Variants in ERBIN observed in about 807,000 individuals in gnomAD.
ERBIN encodes densin-180-like protein.
A neutral mutation model predicts 158.4 loss-of-function variants in ERBIN; 60 were observed. That is an observed-to-expected ratio of 0.38 (90% confidence interval 0.31 to 0.47). The LOEUF (loss-of-function observed/expected upper bound fraction) is 0.47. ERBIN is among the 20% of genes least tolerant of loss of function. The pLI is 0.99. For missense variants in ERBIN, 1,610 were observed against 1,648.0 expected, an observed-to-expected ratio of 0.98 and a Z score of 0.40; for synonymous variants, 594 against 557.2, an observed-to-expected ratio of 1.07 and a Z score of -0.93.
chr5:65,978,081 G>T (rs951488660), intron 1 of ERBIN, among the ~76,000 whole-genome samples: 1 of 152,152 alleles, frequency 6.6e-6, no homozygotes, highest in Non-Finnish European at 1.5e-5. Flanking sequence ...TTTGTGATCT[G>T]TATTGTCACA....
intron 21 of ERBIN, among the ~76,000 whole-genome samples, chr5:66,068,578 T>C (rs1385348722): frequency 6.6e-6 from 1 of 152,208 alleles, no homozygotes; most frequent in Non-Finnish European, 1.5e-5. Flanking sequence ...TTCTGACATA[T>C]ATATCTAAGA....
At chr5:65,968,983 T>G (rs563975287) in intron 1 of ERBIN, among the ~76,000 whole-genome samples, 5 of 152,352 alleles carry the variant, frequency 3.3e-5, no homozygotes, top group East Asian at 1.9e-4. Flanking sequence ...ATATCGTGAT[T>G]GAGAGGTCTC....
At chr5:65,961,756 T>G (rs896304531) in intron 1 of ERBIN, among the ~76,000 whole-genome samples, 1 of 152,158 alleles carries the variant, frequency 6.6e-6, no homozygotes, top group Admixed American at 6.5e-5. Flanking sequence ...TCTTTTACAT[T>G]TGAGGTAGAG....
At chr5:65,930,149 A>C (rs1343888035) in intron 1 of ERBIN, among the ~76,000 whole-genome samples, 6 of 152,148 alleles carry the variant, frequency 3.9e-5, no homozygotes, top group South Asian at 4.2e-4. Context: ...TCTTTTCCAA[A>C]CTGTTAGTCT....
chr5:66,024,082 C>T (rs1233454378), intron 9 of ERBIN, among the ~76,000 whole-genome samples: 4 of 152,076 alleles, frequency 2.6e-5, no homozygotes, highest in African/African-American at 9.7e-5. Context: ...CCTGAATTCC[C>T]AAAGAATATG....
chr5:65,986,300 C>G (rs973497784), intron 1 of ERBIN, among the ~76,000 whole-genome samples: 6 of 152,230 alleles, frequency 3.9e-5, no homozygotes, highest in East Asian at 1.9e-4. Context: ...CTCTGCCTTG[C>G]TCCTACCATG....
intron 1 of ERBIN, among the ~76,000 whole-genome samples, chr5:65,939,537 C>A (rs534816194): frequency 6.6e-6 from 1 of 152,088 alleles, no homozygotes; most frequent in African/African-American, 2.4e-5. Context: ...CCTCTCCCCC[C>A]TCTCCCTCTC....
chr5:65,967,331 A>G (rs897088421), intron 1 of ERBIN, among the ~76,000 whole-genome samples: 5 of 152,154 alleles, frequency 3.3e-5, no homozygotes, highest in East Asian at 1.9e-4. Flanking sequence ...TTCACTCACT[A>G]CTCACTCACT....
intron 15 of ERBIN, among the ~76,000 whole-genome samples, chr5:66,039,087 C>A (rs1580432343): frequency 1.3e-5 from 2 of 151,476 alleles, no homozygotes; most frequent in East Asian, 3.9e-4. Flanking sequence ...TATGTATCTT[C>A]TTTCTGACAC....
In ERBIN at chr5:65,942,910, A is replaced by G. The variant is rs1434665637; in HGVS notation, c.-58+16104A>G. Among the ~76,000 whole-genome samples, 32 of 5,086 alleles carry G rather than the reference A, an allele frequency of 6.3e-3. 1 individual carries two copies. Among genetic ancestry groups the G allele is most frequent in the East Asian group, 0.016 (17 of 1,082 alleles). 3.3% of individuals were successfully genotyped at this position (5,086 alleles called of 152,430 possible). A position where few individuals can be genotyped will look rare whatever the true frequency, so the allele number is the denominator to read the frequency against. On this transcript the variant is annotated intron_variant, in intron 1 of 25. Transcript: ENST00000284037. The stretch of plus-strand genomic sequence containing the variant: ...GTGACAGAGCGAGACTCCGTCTCCA[A>G]AAAAAAAAAAAAAAATAGACTTTAA...
In ERBIN at chr5:66,054,936, CA is replaced by C; in HGVS notation, c.3623del (p.Lys1208SerfsTer2). On this transcript the variant is annotated frameshift_variant, in exon 21 of 26. Coordinates refer to ENST00000284037, the MANE Select transcript of ERBIN (RefSeq NM_001253697.2). LOFTEE classifies it high-confidence loss of function. ...AACAAGTACTTCGACATATTGAAGCCAAAAAGTTAGAAAAGGTAATTGAACA... is the reference window on the plus strand; with the variant it reads ...AACAAGTACTTCGACATATTGAAGCCAAAAGTTAGAAAAGGTAATTGAACA... ...REQVLRHIEA[K>X]KLEKKHPQTS... The C allele has an allele frequency of 6.4e-7, 1 of 1,571,544 alleles. No individual in the cohort carries two copies.
intron 1 of ERBIN, among the ~76,000 whole-genome samples, chr5:65,964,741 CT>C (rs70987103): frequency 0.037 from 4,432 of 119,398 alleles, 187 homozygotes; most frequent in African/African-American, 0.13. Flanking sequence ...CCAGAGCAAT[CT>C]TTTTTTTTTT....
chr5:66,065,591 C>CTGTG lies in ERBIN; in HGVS notation c.3634-6512_3634-6509dup, dbSNP rs56164922. Among the ~76,000 whole-genome samples, 77 of 109,392 alleles carry CTGTG rather than the reference C, an allele frequency of 7.0e-4. 2 individuals carry two copies. The highest frequency in any genetic ancestry group is 1.4e-3 in the East Asian group (5 of 3,586). The allele number at this position is 109,392 out of a possible 152,430, so 71.8% of individuals were successfully genotyped here. ...CAGAGATTTTCAGATTAATTTTGAC[C>CTGTG]TGTGTGTGTGTGTGTGTGTGTGTGT... On this transcript the variant is annotated intron_variant, in intron 21 of 25. Coordinates refer to ENST00000284037, the MANE Select transcript of ERBIN (RefSeq NM_001253697.2).
intron 13 of ERBIN, among the ~76,000 whole-genome samples, chr5:66,027,152 A>G (rs1218078903): frequency 2.0e-5 from 3 of 152,052 alleles, no homozygotes; most frequent in Non-Finnish European, 4.4e-5. Flanking sequence ...ATGAAATAGT[A>G]TAATAGTATT....
At chr5:65,942,817 C>T (rs1433452616) in intron 1 of ERBIN, among the ~76,000 whole-genome samples, 5 of 151,352 alleles carry the variant, frequency 3.3e-5, no homozygotes, top group South Asian at 2.1e-4. Context: ...TCCGCCTACT[C>T]GGGAGGCTTG....
chr5:66,055,830 T>C (rs1660247319), intron 21 of ERBIN, among the ~76,000 whole-genome samples: 1 of 152,202 alleles, frequency 6.6e-6, no homozygotes. Flanking sequence ...TTTTCAGAAA[T>C]GCCTAAAATA....
intron 21 of ERBIN, among the ~76,000 whole-genome samples, chr5:66,056,826 C>A (rs1175414679): frequency 1.4e-5 from 2 of 148,100 alleles, no homozygotes; most frequent in Middle Eastern, 3.3e-3. Flanking sequence ...CCTTCCAGAC[C>A]ACTAGTTGAC....
chr5:66,019,363 C>T (rs757249992), intron 7 of ERBIN, among the ~76,000 whole-genome samples: 1 of 152,038 alleles, frequency 6.6e-6, no homozygotes, highest in Non-Finnish European at 1.5e-5. Flanking sequence ...TTTAATGCTA[C>T]CTAAAGAATA....
intron 14 of ERBIN, among the ~76,000 whole-genome samples, chr5:66,037,280 GGACAGGA>G (rs1757489431): frequency 6.6e-6 from 1 of 152,032 alleles, no homozygotes; most frequent in African/African-American, 2.4e-5. Context: ...GTAGATAATA[GGACAGGA>G]GATTGACTAT....
Sources: gnomAD v4.1 joint callset for allele counts (sites outside exome capture counted in the v4.1 genomes callset) on GRCh38, gnomAD v4.1.1 for gene constraint, MANE v1.5 for transcripts, NCBI Gene and HGNC (gene_info 2026-07-23, HGNC 2026-07-21) for gene names.